The following OPHN1 variants were observed in gnomAD, a reference collection of about 807,000 sequenced individuals.
The protein encoded by OPHN1 is oligophrenin-1.
In OPHN1, 11 loss-of-function variants were observed where a neutral mutation model predicts 60.7. The ratio of observed to expected loss-of-function variants is 0.18; its 90% confidence interval spans 0.11 to 0.30. The LOEUF is 0.30. Ranked by LOEUF, OPHN1 falls within the 10% of genes least tolerant of loss-of-function variation. The pLI, the probability that OPHN1 is intolerant of heterozygous loss-of-function variation, is 1.00. For missense variants in OPHN1, 449 were observed against 611.0 expected (o/e 0.73, Z 2.80); for synonymous variants, 226 against 222.6 (o/e 1.02, Z -0.14).
At chrX:68,174,723 C>T (rs1462496521) in intron 15 of OPHN1, among the ~76,000 whole-genome samples, 1 of 110,209 alleles carries the variant, frequency 9.1e-6, no homozygotes, top group Non-Finnish European at 1.9e-5. Context: ...CCACCCACCT[C>T]AGCCTCCTAA....
chrX:68,234,353 T>C (rs927927848), intron 6 of OPHN1, 134 bp downstream of exon 6: 1 of 538,741 alleles, frequency 1.9e-6, no homozygotes. Flanking sequence ...GGCCACAGTT[T>C]TGACTACAAG....
intron 2 of OPHN1, among the ~76,000 whole-genome samples, chrX:68,428,932 T>G (rs775103525): frequency 8.8e-4 from 99 of 112,569 alleles, no homozygotes; most frequent in Non-Finnish European, 1.6e-3. Flanking sequence ...CTACTTCTGC[T>G]TATGCATTTC....
intron 2 of OPHN1, among the ~76,000 whole-genome samples, chrX:68,360,385 C>T (rs2078466181): frequency 9.0e-6 from 1 of 110,582 alleles, no homozygotes; most frequent in Admixed American, 9.8e-5. Flanking sequence ...TTATGTTGCC[C>T]AGGCTGGTCT....
intron 15 of OPHN1, among the ~76,000 whole-genome samples, chrX:68,151,641 A>G (rs2077285761): frequency 9.0e-6 from 1 of 111,207 alleles, no homozygotes; most frequent in Admixed American, 9.6e-5. Context: ...TATACTCACA[A>G]TCAACAATCT....
chrX:68,086,326 A>G (rs2076995736), intron 19 of OPHN1, among the ~76,000 whole-genome samples: 1 of 111,760 alleles, frequency 8.9e-6, no homozygotes, highest in African/African-American at 3.3e-5. Flanking sequence ...AGGTAGTGAC[A>G]GCAGTAATAG....
intron 2 of OPHN1, among the ~76,000 whole-genome samples, chrX:68,347,284 T>C (rs1325458938): frequency 9.0e-6 from 1 of 111,536 alleles, no homozygotes; most frequent in African/African-American, 3.3e-5. Context: ...CTGTGAATCC[T>C]GAATTAACAT....
At chrX:68,239,283 A>G (rs866186185) in intron 5 of OPHN1, among the ~76,000 whole-genome samples, 10 of 45,409 alleles carry the variant, frequency 2.2e-4, no homozygotes, top group African/African-American at 5.6e-4. Context: ...TCCTCCTGGT[A>G]TCTGCTGGTG....
At position 68,417,059 on chromosome X, in the gene OPHN1, G is replaced by A. The variant is rs780130536; in HGVS notation, c.154+15808C>T. Among the ~76,000 whole-genome samples, 3 of 102,636 alleles carry A rather than the reference G, an allele frequency of 2.9e-5. No individual in the cohort carries two copies. In the East Asian group the frequency reaches 9.5e-4, roughly 32 times the overall value. The allele number at this position is 102,636 out of a possible 115,157, so 89.1% of individuals were successfully genotyped here. On this transcript the variant is annotated intron_variant, in intron 2 of 24. Transcript: ENST00000355520. ...CAAATAGATCTCCTTGAGAAATCGA[G>A]TTACTATTCCTTTTTATATTTATTT...
intron 5 of OPHN1, among the ~76,000 whole-genome samples, chrX:68,261,061 C>T (rs940614433): frequency 9.0e-5 from 10 of 111,570 alleles, no homozygotes; most frequent in Admixed American, 4.8e-4. Context: ...GTCATCAATG[C>T]CCTCTTGCCT....
intron 15 of OPHN1, among the ~76,000 whole-genome samples, chrX:68,119,627 A>G (rs1030676676): frequency 8.9e-5 from 10 of 112,047 alleles, no homozygotes; most frequent in Admixed American, 5.7e-4. Context: ...TGTCCCCAGA[A>G]GTGAGGAGAT....
intron 21 of OPHN1, among the ~76,000 whole-genome samples, chrX:68,054,343 TTTTAA>T (rs774452763): frequency 9.4e-4 from 105 of 111,438 alleles, no homozygotes; most frequent in Non-Finnish European, 1.2e-3. Flanking sequence ...TATAAACACT[TTTTAA>T]ATAAGATGGT....
At chrX:68,147,259 C>G (rs2077267690) in intron 15 of OPHN1, among the ~76,000 whole-genome samples, 1 of 111,489 alleles carries the variant, frequency 9.0e-6, no homozygotes, top group African/African-American at 3.3e-5. Flanking sequence ...GAATCAACCC[C>G]AAGGATAACC....
At chrX:68,091,094 T>C (rs1313685420) in intron 19 of OPHN1, among the ~76,000 whole-genome samples, 1 of 111,356 alleles carries the variant, frequency 9.0e-6, no homozygotes, top group East Asian at 2.8e-4. Context: ...CCCCTTTCCC[T>C]GAGGGGCAGC....
At chrX:68,306,292 C>T (rs2078144824) in intron 2 of OPHN1, among the ~76,000 whole-genome samples, 1 of 112,297 alleles carries the variant, frequency 8.9e-6, no homozygotes, top group African/African-American at 3.2e-5. Context: ...ACCTCTGCTC[C>T]CAAGCCTCTG....
At chrX:68,076,083 A>G (rs2076952621) in intron 19 of OPHN1, among the ~76,000 whole-genome samples, 1 of 110,793 alleles carries the variant, frequency 9.0e-6, no homozygotes, top group Non-Finnish European at 1.9e-5. Context: ...TGTATTATAT[A>G]TATATTATAT....
intron 2 of OPHN1, among the ~76,000 whole-genome samples, chrX:68,313,739 G>A (rs1195516653): frequency 9.0e-6 from 1 of 111,291 alleles, no homozygotes; most frequent in Non-Finnish European, 1.9e-5. Context: ...ATGGTTAATG[G>A]GTACAACGAT....
intron 19 of OPHN1, among the ~76,000 whole-genome samples, chrX:68,081,937 C>A (rs2076975928): frequency 8.9e-6 from 1 of 112,179 alleles, no homozygotes; most frequent in Admixed American, 9.4e-5. Context: ...CCTCTCAAAC[C>A]CGGCCACTGC....
intron 9 of OPHN1, among the ~76,000 whole-genome samples, chrX:68,209,565 T>TA (rs1394990669): frequency 1.8e-5 from 2 of 111,236 alleles, no homozygotes; most frequent in Admixed American, 1.9e-4. Flanking sequence ...GATCCTGTCT[T>TA]AAAAAAAGAA....
At chrX:68,157,008 A>G (rs113330041) in intron 15 of OPHN1, among the ~76,000 whole-genome samples, 3,304 of 112,030 alleles carry the variant, frequency 0.029, 111 homozygotes, top group African/African-American at 0.1. Context: ...ATAGGAATAA[A>G]AGGTAAAAAT....
Sources: allele counts gnomAD v4.1 joint callset (sites outside exome capture counted in the v4.1 genomes callset), GRCh38; gene constraint gnomAD v4.1.1; transcripts MANE v1.5; gene names NCBI Gene and HGNC (gene_info 2026-07-23, HGNC 2026-07-21).